The following DIP2C variants were observed in gnomAD, a reference collection of about 807,000 sequenced individuals.
The protein encoded by DIP2C is disco-interacting protein 2 homolog C.
Under a neutral mutation model 192.4 loss-of-function variants are expected in DIP2C, and 33 were observed. The ratio of observed to expected loss-of-function variants is 0.17; its 90% CI spans 0.13 to 0.23. The LOEUF is 0.23. DIP2C is among the 10% of genes least tolerant of loss of function. The probability of loss-of-function intolerance (pLI) is 1.00; values close to 1 mark genes in which losing one functional copy is unlikely to be tolerated. For synonymous variants in DIP2C, 979 were observed against 864.1 expected (o/e 1.13, Z -2.33); for missense variants, 1,537 against 2,110.1 (o/e 0.73, Z 5.32).
At position 276,677 on chromosome 10, in the gene DIP2C, G is replaced by A. The variant is rs1005654511; in HGVS notation, c.*648C>T. 1.3e-5 allele frequency: 2 copies of A among 152,596 alleles called. No homozygotes were observed. Among genetic ancestry groups the A allele is most frequent in the African/African-American group, 4.8e-5 (2 of 41,416 alleles). 9.5% of individuals were successfully genotyped at this position (152,596 alleles called of 1,614,324 possible). On this transcript the variant is annotated 3_prime_UTR_variant, in exon 37 of 37. Coordinates refer to ENST00000280886, the MANE Select transcript of DIP2C (RefSeq NM_014974.3). ...CAAAGATATTTGCAAGATAATTGCC[G>A]AAATACACCTTATTTATAATTTCTT...
chr10:349,634 A>C (rs1958695239), intron 24 of DIP2C, among the ~76,000 whole-genome samples, 180 bp from the exon 25 acceptor site: 1 of 152,180 alleles, frequency 6.6e-6, no homozygotes, highest in African/African-American at 2.4e-5. Context: ...CTCCCCCAAA[A>C]CTACATATAC....
intron 4 of DIP2C, among the ~76,000 whole-genome samples, chr10:440,173 G>T (rs867628199): frequency 2.0e-5 from 3 of 152,164 alleles, no homozygotes; most frequent in African/African-American, 4.8e-5. Context: ...TAAAATTCAA[G>T]ATTAAATAAA....
intron 1 of DIP2C, among the ~76,000 whole-genome samples, chr10:519,080 C>A (rs557205797): frequency 1.3e-5 from 2 of 152,356 alleles, no homozygotes; most frequent in African/African-American, 4.8e-5. Flanking sequence ...CCAACCCCCA[C>A]CTGCAGCCCA....
intron 31 of DIP2C, among the ~76,000 whole-genome samples, chr10:325,992 G>T (rs1589487931): frequency 6.6e-6 from 1 of 152,208 alleles, no homozygotes; most frequent in East Asian, 1.9e-4. Flanking sequence ...ACCAGCCTGG[G>T]CGACATGGTG....
rs149812296 is a variant in DIP2C, at chr10:595,722, T to C, written c.85+93772A>G. Among the ~76,000 whole-genome samples, 943 of 152,238 alleles carry C rather than the reference T, an allele frequency of 6.2e-3. 13 individuals are homozygous for C. Among genetic ancestry groups the C allele is most frequent in the African/African-American group, 0.021 (892 of 41,538 alleles). On this transcript the variant is annotated intron_variant, in intron 1 of 36. Coordinates refer to ENST00000280886, the MANE Select transcript of DIP2C (RefSeq NM_014974.3). ...CCCGCGCCCACCCTGTGGAGCTGCA[T>C]GTAGGAAATGTCGGCCCTCCACAAA...
intron 26 of DIP2C, 99 bp downstream of exon 26, chr10:348,542 C>T: frequency 1.3e-6 from 2 of 1,534,012 alleles, no homozygotes; most frequent in Admixed American, 2.1e-5. Context: ...CCGGCTTCCA[C>T]AGCCAGCAGC....
rs1418617681 is a variant in DIP2C at position 364,600 on chromosome 10, C to T, written c.2269-18G>A. ...GGAAACACCTGGGGGAAACAGCATC[C>T]ATCAGGCCACTGTTCATGTGGTCAG... On this transcript the variant is annotated intron_variant, in intron 19 of 36. Coordinates refer to ENST00000280886, the MANE Select transcript of DIP2C (RefSeq NM_014974.3). 1.2e-6 allele frequency: 2 copies of T among 1,610,482 alleles called. No individual in the cohort carries two copies. Among genetic ancestry groups the T allele is most frequent in the Admixed American group, 3.3e-5 (2 of 59,954 alleles).
intron 8 of DIP2C, among the ~76,000 whole-genome samples, chr10:411,844 C>T (rs1965210670): frequency 6.6e-6 from 1 of 152,222 alleles, no homozygotes; most frequent in African/African-American, 2.4e-5. Context: ...TGGCGCTTTC[C>T]AGTGTTCACT....
chr10:304,386 C>G (rs1393829333), intron 32 of DIP2C, among the ~76,000 whole-genome samples: 1 of 152,162 alleles, frequency 6.6e-6, no homozygotes, highest in Non-Finnish European at 1.5e-5. Flanking sequence ...AGAAACAGCA[C>G]TATGCAGCAC....
chr10:363,331 T>C lies in DIP2C; in HGVS notation c.2478-20A>G, dbSNP rs1280378235. The C allele has an allele frequency of 6.2e-7, 1 of 1,603,568 alleles. No homozygotes were observed. Among genetic ancestry groups the C allele is most frequent in the South Asian group, 1.1e-5 (1 of 90,924 alleles). On this transcript the variant is annotated intron_variant, in intron 20 of 36. Transcript: ENST00000280886. This position sits in a 1 kb window ranked among gnomAD's most constrained non-coding sequence, Gnocchi z 5.4. ...GCTATCCTGCGGGGACACAGGAGCA[T>C]GGTGAGCACGCGCCGGGGACGCTCA...
chr10:502,695 T>C (rs1333740060), intron 1 of DIP2C, among the ~76,000 whole-genome samples: 1 of 152,164 alleles, frequency 6.6e-6, no homozygotes, highest in Non-Finnish European at 1.5e-5. Flanking sequence ...AATTAGTATT[T>C]GGGACCTAAA....
At chr10:292,331 T>G (rs536074969) in intron 32 of DIP2C, among the ~76,000 whole-genome samples, 31 of 152,354 alleles carry the variant, frequency 2.0e-4, no homozygotes, top group African/African-American at 7.0e-4. Flanking sequence ...CTGAATAAAC[T>G]CTTCCAGCCT....
At chr10:589,638 G>A (rs777927646) in intron 1 of DIP2C, among the ~76,000 whole-genome samples, 4 of 152,132 alleles carry the variant, frequency 2.6e-5, no homozygotes, top group Non-Finnish European at 5.9e-5. Flanking sequence ...CAGCTAACCC[G>A]TGTGTCCCTC....
intron 1 of DIP2C, among the ~76,000 whole-genome samples, chr10:622,602 C>G (rs1268740473): frequency 1.3e-5 from 2 of 152,212 alleles, no homozygotes; most frequent in Non-Finnish European, 2.9e-5. Flanking sequence ...GGACCTAAAG[C>G]ACCATGCCTT....
intron 1 of DIP2C, among the ~76,000 whole-genome samples, chr10:582,849 GAAA>G (rs774265773): frequency 3.3e-5 from 5 of 152,132 alleles, no homozygotes; most frequent in Non-Finnish European, 5.9e-5. Context: ...TTCTAATTGA[GAAA>G]ATTATATACC....
chr10:622,720 G>A (rs1161564067), intron 1 of DIP2C, among the ~76,000 whole-genome samples: 4 of 152,250 alleles, frequency 2.6e-5, no homozygotes, highest in South Asian at 4.2e-4. Context: ...CCACAGTAAC[G>A]TCAAACTCAC....
At chr10:441,981 G>T (rs995733843) in intron 3 of DIP2C, among the ~76,000 whole-genome samples, 7 of 148,658 alleles carry the variant, frequency 4.7e-5, no homozygotes, top group African/African-American at 1.5e-4. Context: ...AGACGCTGTG[G>T]CAACTCCAAA....
chr10:462,600 G>C (rs1281889175), intron 3 of DIP2C, among the ~76,000 whole-genome samples: 1 of 152,194 alleles, frequency 6.6e-6, no homozygotes, highest in Non-Finnish European at 1.5e-5. Flanking sequence ...GAGGTACAAA[G>C]AGGAGCTGGT....
At chr10:623,782 G>A (rs1380244255) in intron 1 of DIP2C, among the ~76,000 whole-genome samples, 2 of 151,846 alleles carry the variant, frequency 1.3e-5, no homozygotes, top group African/African-American at 4.8e-5. Context: ...CAGGGCTGAG[G>A]GGAGCAGGGG....
Sources: gnomAD v4.1 joint callset for allele counts (sites outside exome capture counted in the v4.1 genomes callset) on GRCh38, gnomAD v4.1.1 for gene constraint, Gnocchi (gnomAD v3.1) non-coding constraint, MANE v1.5 for transcripts, NCBI Gene and HGNC (gene_info 2026-07-23, HGNC 2026-07-21) for gene names.